KIAA0825: variants seen among roughly 807,000 people sequenced by gnomAD.
KIAA0825 encodes KIAA0825.
In KIAA0825, 119 loss-of-function variants were observed where a neutral mutation model predicts 147.6. The ratio of observed to expected loss-of-function variants is 0.81; its 90% CI spans 0.69 to 0.94. The LOEUF (loss-of-function observed/expected upper bound fraction) is 0.94. Among genes scored for constraint, KIAA0825 ranks in the 40% least tolerant of loss-of-function variants. The pLI, the probability that KIAA0825 is intolerant of heterozygous loss-of-function variation, is 0.00. For synonymous variants in KIAA0825, 470 were observed against 518.1 expected, an observed-to-expected ratio of 0.91 and a Z score of 1.26; for missense variants, 1,381 against 1,472.7, an observed-to-expected ratio of 0.94 and a Z score of 1.02.
intron 2 of KIAA0825, among the ~76,000 whole-genome samples, chr5:94,555,481 TG>T (rs1739613516): frequency 6.6e-6 from 1 of 152,186 alleles, no homozygotes; most frequent in Non-Finnish European, 1.5e-5. Context: ...TAATATACTA[TG>T]ACTATTAAAA....
chr5:94,185,603 T>G (rs1026448990), intron 20 of KIAA0825, among the ~76,000 whole-genome samples: 2 of 152,182 alleles, frequency 1.3e-5, no homozygotes, highest in Non-Finnish European at 2.9e-5. Context: ...ATTTCAGCAA[T>G]TGTACTCAAC....
chr5:94,580,378 CTATTA>C (rs1171408085), intron 2 of KIAA0825, among the ~76,000 whole-genome samples: 1 of 152,056 alleles, frequency 6.6e-6, no homozygotes, highest in Non-Finnish European at 1.5e-5. Context: ...GGTATAAATT[CTATTA>C]TATTTACTTT....
At chr5:94,503,438 G>T (rs548940981) in intron 5 of KIAA0825, among the ~76,000 whole-genome samples, 88 of 152,206 alleles carry the variant, frequency 5.8e-4, no homozygotes, top group South Asian at 4.4e-3. Context: ...AATGCTCCTG[G>T]TTACATTTTG....
Position 94,169,071 on chromosome 5 carries a change from T to C in KIAA0825, c.3711-14947A>G, listed in dbSNP as rs191614662. On this transcript the variant is annotated intron_variant, in intron 20 of 20. Transcript: ENST00000682413. ...CTAGCCTGTGTAAAGACAAAACCAA[T>C]TGTTTAGACAACACAGTTGTCACAA... is the stretch of plus-strand genomic sequence containing the variant. 4.2e-3 allele frequency among the ~76,000 whole-genome samples: 646 copies of C among 152,282 alleles called. 2 individuals are homozygous for C. Among genetic ancestry groups the C allele is most frequent in the Middle Eastern group, 6.8e-3 (2 of 294 alleles).
chr5:94,211,657 C>T (rs1772718794), intron 20 of KIAA0825, among the ~76,000 whole-genome samples: 1 of 152,138 alleles, frequency 6.6e-6, no homozygotes, highest in East Asian at 1.9e-4. Context: ...CTTCCGTATA[C>T]TTTGTCCACT....
At position 94,206,118 on chromosome 5, in the gene KIAA0825, TTTTC is replaced by T. The variant is rs1772175880; in HGVS notation, c.3711-51998_3711-51995del. ...AACCTAATTTGGTTTTTGAGGCTTA[TTTTC>T]TTTGTCTTTATTTCTCAATTCTAGC... On this transcript the variant is annotated intron_variant, in intron 20 of 20. Coordinates refer to ENST00000682413, the MANE Select transcript of KIAA0825 (RefSeq NM_001145678.3). Among the ~76,000 whole-genome samples, 4 of 152,320 alleles carry T rather than the reference TTTTC, an allele frequency of 2.6e-5. No individual in the cohort carries two copies. In the South Asian group the frequency reaches 8.3e-4, roughly 32 times the overall value.
At chr5:94,157,458 C>G (rs1767140011) in intron 20 of KIAA0825, among the ~76,000 whole-genome samples, 1 of 152,150 alleles carries the variant, frequency 6.6e-6, no homozygotes, top group Non-Finnish European at 1.5e-5. Context: ...AGTAGGGACT[C>G]TAAAGCCTAG....
intron 20 of KIAA0825, among the ~76,000 whole-genome samples, chr5:94,318,758 C>T (rs984523406): frequency 6.6e-6 from 1 of 151,882 alleles, no homozygotes; most frequent in African/African-American, 2.4e-5. Flanking sequence ...GCCAACATAA[C>T]GTTACATAGA....
intron 20 of KIAA0825, among the ~76,000 whole-genome samples, chr5:94,186,880 A>G (rs933635586): frequency 7.2e-5 from 11 of 152,176 alleles, no homozygotes; most frequent in Non-Finnish European, 1.3e-4. Context: ...GTGGGCACAT[A>G]TATTCCAGAG....
At chr5:94,334,367 A>G (rs1781586696) in intron 20 of KIAA0825, among the ~76,000 whole-genome samples, 1 of 152,260 alleles carries the variant, frequency 6.6e-6, no homozygotes, top group South Asian at 2.1e-4. Context: ...ATAGTTCAAC[A>G]GAAGAAGTCC....
chr5:94,184,516 A>G (rs1033416682), intron 20 of KIAA0825, among the ~76,000 whole-genome samples: 4 of 152,148 alleles, frequency 2.6e-5, no homozygotes, highest in African/African-American at 9.7e-5. Context: ...TACTCTTTAT[A>G]TTAGAATGTT....
rs114506474 is a variant in KIAA0825, at chr5:94,613,263, C to T, written c.-153+5237G>A. Among the ~76,000 whole-genome samples the T allele has an allele frequency of 3.6e-3, 553 of 152,218 alleles. 3 individuals carry two copies. The highest frequency in any genetic ancestry group is 5.6e-3 in the Non-Finnish European group (380 of 68,010). ...AGGTTGGAGTGCGGTGACATGATCT[C>T]GGTTCACTGCAACATCCACCACCCG... is the stretch of plus-strand genomic sequence containing the variant. On this transcript the variant is annotated intron_variant, in intron 1 of 20. Coordinates refer to ENST00000682413, the MANE Select transcript of KIAA0825 (RefSeq NM_001145678.3).
intron 19 of KIAA0825, among the ~76,000 whole-genome samples, chr5:94,384,718 A>C (rs568624087): frequency 2.6e-5 from 4 of 152,316 alleles, no homozygotes; most frequent in East Asian, 3.9e-4. Flanking sequence ...TATTCTTCCA[A>C]GTGTTAATGG....
At chr5:94,341,064 G>A (rs1782319304) in intron 20 of KIAA0825, among the ~76,000 whole-genome samples, 2 of 152,118 alleles carry the variant, frequency 1.3e-5, no homozygotes, top group Admixed American at 1.3e-4. Context: ...AGGAAAGCCT[G>A]TTAATAATAT....
At chr5:94,207,012 T>C (rs943070508) in intron 20 of KIAA0825, among the ~76,000 whole-genome samples, 5 of 152,230 alleles carry the variant, frequency 3.3e-5, no homozygotes, top group African/African-American at 1.2e-4. Context: ...GTTATTTATT[T>C]TGAAATGATT....
At chr5:94,318,082 TAGAG>T (rs770720662) in intron 20 of KIAA0825, among the ~76,000 whole-genome samples, 23 of 151,706 alleles carry the variant, frequency 1.5e-4, no homozygotes, top group Admixed American at 4.0e-4. Context: ...GTAAAAAGAT[TAGAG>T]AGAGAATTAG....
intron 1 of KIAA0825, among the ~76,000 whole-genome samples, chr5:94,590,593 T>C (rs1784171878): frequency 6.6e-6 from 1 of 152,232 alleles, no homozygotes; most frequent in African/African-American, 2.4e-5. Context: ...CTATACCCCA[T>C]AGCTGAAATC....
At chr5:94,551,914 T>C (rs1775613584) in intron 2 of KIAA0825, among the ~76,000 whole-genome samples, 1 of 150,956 alleles carries the variant, frequency 6.6e-6, no homozygotes. Context: ...ATAACAGGAG[T>C]AAGTCCTCAC....
At chr5:94,614,902 G>A (rs759934674) in intron 1 of KIAA0825, among the ~76,000 whole-genome samples, 3 of 152,008 alleles carry the variant, frequency 2.0e-5, no homozygotes, top group African/African-American at 7.2e-5. Flanking sequence ...GACTGAGCAA[G>A]AAAAAGAATC....
Sources: gnomAD v4.1 joint callset for allele counts (sites outside exome capture counted in the v4.1 genomes callset) on GRCh38, gnomAD v4.1.1 for gene constraint, MANE v1.5 for transcripts, NCBI Gene and HGNC (gene_info 2026-07-23, HGNC 2026-07-21) for gene names.